The following CNTN4 variants were observed in gnomAD, a reference collection of about 807,000 sequenced individuals.
CNTN4 encodes contactin 4.
A neutral mutation model predicts 122.5 loss-of-function variants in CNTN4; 77 were observed. The ratio of observed to expected loss-of-function variants is 0.63; its 90% CI spans 0.52 to 0.76. CNTN4 has a LOEUF of 0.76. Ranked by LOEUF, CNTN4 falls within the 30% of genes least tolerant of loss-of-function variation. The pLI, the probability that CNTN4 is intolerant of heterozygous loss-of-function variation, is 0.00. For synonymous variants in CNTN4, 512 were observed against 447.0 expected (o/e 1.15, Z -1.83); for missense variants, 1,256 against 1,259.1 (o/e 1.00, Z 0.04).
At chr3:2,281,130 C>G (rs1429892251) in intron 2 of CNTN4, among the ~76,000 whole-genome samples, 4 of 152,186 alleles carry the variant, frequency 2.6e-5, no homozygotes. Context: ...CTCCTCATTT[C>G]TAAAAGCTAA....
Position 2,742,092 on chromosome 3 carries a change from A to G in CNTN4, c.183-3430A>G, listed in dbSNP as rs76193914. ...ATGGAGAGATCAAGTATTTTCAGAC[A>G]CCTTTCTGCCTGAACTTTTTCAGTC... On this transcript the variant is annotated intron_variant, in intron 5 of 24. Coordinates refer to ENST00000418658, the MANE Select transcript of CNTN4 (RefSeq NM_175607.3). Among the ~76,000 whole-genome samples the G allele has an allele frequency of 9.3e-3, 1,412 of 152,260 alleles. 17 individuals carry two copies. Among genetic ancestry groups the G allele is most frequent in the African/African-American group, 0.032 (1,340 of 41,534 alleles).
intron 2 of CNTN4, among the ~76,000 whole-genome samples, chr3:2,250,419 AT>A (rs1200818497): frequency 1.3e-5 from 2 of 151,930 alleles, no homozygotes; most frequent in Non-Finnish European, 2.9e-5. Flanking sequence ...TTAGCAAGTT[AT>A]TTATGCTGTA....
intron 2 of CNTN4, among the ~76,000 whole-genome samples, chr3:2,216,996 G>C (rs1281569540): frequency 6.6e-6 from 1 of 152,076 alleles, no homozygotes; most frequent in Non-Finnish European, 1.5e-5. Flanking sequence ...TATATTAAAA[G>C]CTCTTGGCCC....
At chr3:2,181,324 GT>G (rs959767276) in intron 2 of CNTN4, among the ~76,000 whole-genome samples, 33 of 152,188 alleles carry the variant, frequency 2.2e-4, no homozygotes, top group African/African-American at 7.5e-4. Context: ...TACCAGATAT[GT>G]GGGTAGTGAG....
chr3:2,374,294 G>A (rs548141218), intron 3 of CNTN4, among the ~76,000 whole-genome samples: 2 of 152,290 alleles, frequency 1.3e-5, no homozygotes, highest in East Asian at 3.9e-4. Flanking sequence ...TCTCTGCAAG[G>A]AAGGTTACCC....
intron 13 of CNTN4, among the ~76,000 whole-genome samples, chr3:2,964,213 G>A (rs1384587205): frequency 1.3e-5 from 2 of 152,002 alleles, no homozygotes; most frequent in Non-Finnish European, 2.9e-5. Context: ...AAAGAAATTG[G>A]CATCTTATCT....
intron 6 of CNTN4, among the ~76,000 whole-genome samples, chr3:2,762,688 A>G (rs2090644569): frequency 6.6e-6 from 1 of 152,194 alleles, no homozygotes; most frequent in Non-Finnish European, 1.5e-5. Context: ...TTGGGTATAT[A>G]CACAGTAATG....
chr3:2,310,985 C>A (rs949771083), intron 2 of CNTN4, among the ~76,000 whole-genome samples: 1 of 152,068 alleles, frequency 6.6e-6, no homozygotes, highest in African/African-American at 2.4e-5. Flanking sequence ...TTGACTTTAT[C>A]CTCCTGTTTT....
chr3:2,589,180 G>A (rs976923106), intron 4 of CNTN4, among the ~76,000 whole-genome samples: 2 of 152,156 alleles, frequency 1.3e-5, no homozygotes, highest in African/African-American at 4.8e-5. Context: ...TATTGTGACT[G>A]GAGATCCTTT....
intron 4 of CNTN4, among the ~76,000 whole-genome samples, chr3:2,682,292 C>G (rs1559382699): frequency 1.3e-5 from 2 of 152,196 alleles, no homozygotes; most frequent in Non-Finnish European, 2.9e-5. Flanking sequence ...ACCTTTTCTA[C>G]CTGTGGGCTG....
intron 6 of CNTN4, among the ~76,000 whole-genome samples, chr3:2,785,086 T>A (rs2091757508): frequency 6.6e-6 from 1 of 151,786 alleles, no homozygotes; most frequent in Admixed American, 6.6e-5. Context: ...GTGTTCTATT[T>A]GTATATAAGT....
intron 14 of CNTN4, among the ~76,000 whole-genome samples, chr3:3,025,689 C>T (rs1271134221): frequency 6.6e-6 from 1 of 152,114 alleles, no homozygotes; most frequent in African/African-American, 2.4e-5. Context: ...AAAAAAGAGC[C>T]TAACAAACTT....
At chr3:2,798,179 C>T (rs925295998) in intron 6 of CNTN4, among the ~76,000 whole-genome samples, 60 of 150,224 alleles carry the variant, frequency 4.0e-4, no homozygotes, top group African/African-American at 1.4e-3. Context: ...TGACTTTCTG[C>T]TTGTGGGTTA....
chr3:2,579,917 A>G (rs2149554367), intron 4 of CNTN4, among the ~76,000 whole-genome samples: 1 of 152,304 alleles, frequency 6.6e-6, no homozygotes, highest in Admixed American at 6.5e-5. Flanking sequence ...GTTTCTGGCC[A>G]TTCTTCAGTG....
At chr3:2,897,077 C>T (rs536689020) in intron 10 of CNTN4, among the ~76,000 whole-genome samples, 14 of 151,908 alleles carry the variant, frequency 9.2e-5, no homozygotes, top group Non-Finnish European at 1.5e-4. Flanking sequence ...ATTGTTTGAC[C>T]CACTGAGTTT....
At chr3:2,560,809 T>C (rs1488305423) in intron 3 of CNTN4, among the ~76,000 whole-genome samples, 1 of 152,232 alleles carries the variant, frequency 6.6e-6, no homozygotes, top group African/African-American at 2.4e-5. Flanking sequence ...TTCATTGCTG[T>C]ATCGTACTGC....
chr3:2,719,804 C>T (rs1278420270), intron 4 of CNTN4, among the ~76,000 whole-genome samples: 1 of 152,150 alleles, frequency 6.6e-6, no homozygotes, highest in Non-Finnish European at 1.5e-5. Flanking sequence ...GGCTAAGCCT[C>T]AGCTAGTTCT....
chr3:3,030,816 T>C, intron 15 of CNTN4, 39 bp from the exon 16 acceptor site: 1 of 1,611,416 alleles, frequency 6.2e-7, no homozygotes, highest in Non-Finnish European at 8.5e-7. Context: ...TTAGAGCTCA[T>C]TAAAAAGTAA....
At chr3:2,388,428 C>G (rs1236293163) in intron 3 of CNTN4, among the ~76,000 whole-genome samples, 1 of 152,202 alleles carries the variant, frequency 6.6e-6, no homozygotes, top group African/African-American at 2.4e-5. Flanking sequence ...CTCCCTTCCT[C>G]TACTCTGGCC....
Sources: allele counts gnomAD v4.1 joint callset (sites outside exome capture counted in the v4.1 genomes callset), GRCh38; gene constraint gnomAD v4.1.1; transcripts MANE v1.5; gene names NCBI Gene and HGNC (gene_info 2026-07-23, HGNC 2026-07-21).